The following PALM2AKAP2 variants were observed in gnomAD, a reference collection of about 807,000 sequenced individuals.
PALM2AKAP2 encodes PALM2-AKAP2 fusion protein.
Under a neutral mutation model 71.5 loss-of-function variants are expected in PALM2AKAP2, and 37 were observed. That is an observed-to-expected ratio of 0.52 (90% CI 0.40 to 0.68). The LOEUF (loss-of-function observed/expected upper bound fraction) is 0.68. Ranked by LOEUF, PALM2AKAP2 falls within the 30% of genes least tolerant of loss-of-function variation. The pLI, the probability that PALM2AKAP2 is intolerant of heterozygous loss-of-function variation, is 0.00. For missense variants in PALM2AKAP2, 1,224 were observed against 1,191.8 expected (o/e 1.03, Z -0.40); for synonymous variants, 468 against 478.8 (o/e 0.98, Z 0.29).
intron 1 of PALM2AKAP2, among the ~76,000 whole-genome samples, chr9:109,856,196 C>T (rs1189100001): frequency 6.6e-6 from 1 of 152,112 alleles, no homozygotes; most frequent in Non-Finnish European, 1.5e-5. Context: ...AGAAATCCAC[C>T]CTATGTATGG....
At chr9:110,085,541 A>C (rs1834551132) in intron 1 of PALM2AKAP2, among the ~76,000 whole-genome samples, 1 of 152,258 alleles carries the variant, frequency 6.6e-6, no homozygotes, top group Admixed American at 6.5e-5. Context: ...GCAATATGTA[A>C]GTAGAAAACT....
chr9:110,041,270 T>C (rs1833507891), intron 7 of PALM2AKAP2, among the ~76,000 whole-genome samples: 1 of 144,484 alleles, frequency 6.9e-6, no homozygotes, highest in Admixed American at 7.2e-5. Flanking sequence ...TGCTTTTTTG[T>C]TGTTGAAGAT....
chr9:109,923,621 T>A, intron 3 of PALM2AKAP2, 114 bp from the exon 4 acceptor site: 1 of 1,161,098 alleles, frequency 8.6e-7, no homozygotes, highest in Admixed American at 3.0e-5. Flanking sequence ...CTCAGCGTAA[T>A]GTAAAACAAA....
intron 6 of PALM2AKAP2, among the ~76,000 whole-genome samples, chr9:110,006,326 C>CTTTCTTT (rs779682006): frequency 1.9e-4 from 20 of 106,026 alleles, no homozygotes; most frequent in African/African-American, 7.4e-4. Context: ...CCTTCCTTCT[C>CTTTCTTT]TTTCTTTCTT....
At chr9:109,799,696 A>G (rs952343904) in intron 1 of PALM2AKAP2, among the ~76,000 whole-genome samples, 3 of 152,152 alleles carry the variant, frequency 2.0e-5, no homozygotes, top group African/African-American at 7.2e-5. Flanking sequence ...GGGTTTCACC[A>G]TGTTCCCAGG....
chr9:109,766,053 G>A (rs916354258), intron 1 of PALM2AKAP2, among the ~76,000 whole-genome samples: 1 of 152,160 alleles, frequency 6.6e-6, no homozygotes, highest in African/African-American at 2.4e-5. Context: ...CAGGCAGGCT[G>A]TCTTGGGCTT....
rs115631512 is a variant in PALM2AKAP2 at position 109,692,861 on chromosome 9, T to A, written c.5+51995T>A. On this transcript the variant is annotated intron_variant, in intron 1 of 6. Transcript: ENST00000374531. ...TTTAAAAAAATTTAAAAGTTTTGCA[T>A]CTATGTGCACAAGGAATATTGATCT... Among the ~76,000 whole-genome samples, 704 of 152,094 alleles carry A rather than the reference T, an allele frequency of 4.6e-3. 12 individuals are homozygous for A. Among genetic ancestry groups the A allele is most frequent in the African/African-American group, 0.015 (626 of 41,554 alleles).
At chr9:110,140,475 A>G (rs2119126958) in intron 2 of PALM2AKAP2, among the ~76,000 whole-genome samples, 1 of 152,268 alleles carries the variant, frequency 6.6e-6, no homozygotes, top group South Asian at 2.1e-4. Context: ...TTGTTATTGC[A>G]TTGTCACTAG....
exon 3 of PALM2AKAP2, chr9:109,880,618 C>A: frequency 6.2e-7 from 1 of 1,613,896 alleles, no homozygotes; most frequent in Non-Finnish European, 8.5e-7. Flanking sequence ...GAGGAGGAAG[C>A]CAGGAGGCGG....
At chr9:109,947,098 C>A (rs1266393280) in intron 6 of PALM2AKAP2, among the ~76,000 whole-genome samples, 2 of 152,156 alleles carry the variant, frequency 1.3e-5, no homozygotes, top group Non-Finnish European at 2.9e-5. Context: ...CCCTTATGGC[C>A]AAACCTAAAA....
chr9:109,691,717 A>G (rs529930778), intron 1 of PALM2AKAP2, among the ~76,000 whole-genome samples: 1 of 150,276 alleles, frequency 6.7e-6, no homozygotes, highest in African/African-American at 2.4e-5. Flanking sequence ...CTCTCATATT[A>G]TGGTAAGCCT....
chr9:109,850,478 T>C (rs1828980094), intron 1 of PALM2AKAP2, among the ~76,000 whole-genome samples: 1 of 152,092 alleles, frequency 6.6e-6, no homozygotes, highest in African/African-American at 2.4e-5. Flanking sequence ...CCCATGTCCT[T>C]GGGTTGAAAA....
chr9:110,057,244 A>T (rs544250865), intron 1 of PALM2AKAP2, among the ~76,000 whole-genome samples: 1 of 152,086 alleles, frequency 6.6e-6, no homozygotes, highest in South Asian at 2.1e-4. Flanking sequence ...TATTTTACTT[A>T]ATCTTTATAG....
chr9:109,792,509 C>T (rs1827142121), intron 1 of PALM2AKAP2, among the ~76,000 whole-genome samples: 1 of 152,120 alleles, frequency 6.6e-6, no homozygotes, highest in Non-Finnish European at 1.5e-5. Context: ...ACTCAGGCAA[C>T]AGAACAGTTC....
At chr9:110,060,090 G>A (rs1833929395) in intron 1 of PALM2AKAP2, among the ~76,000 whole-genome samples, 1 of 148,972 alleles carries the variant, frequency 6.7e-6, no homozygotes, top group South Asian at 2.2e-4. Context: ...TGTGGGGCCA[G>A]GTATTTTGTT....
chr9:109,981,530 G>T (rs753460775), intron 6 of PALM2AKAP2, among the ~76,000 whole-genome samples: 2 of 152,190 alleles, frequency 1.3e-5, no homozygotes, highest in Non-Finnish European at 2.9e-5. Context: ...TTCTGATCAG[G>T]CCAATGCTTC....
intron 3 of PALM2AKAP2, among the ~76,000 whole-genome samples, chr9:110,158,708 T>C (rs1836523682): frequency 6.6e-6 from 1 of 152,200 alleles, no homozygotes; most frequent in African/African-American, 2.4e-5. Context: ...AATAAACATT[T>C]TGAAAAAGAA....
chr9:109,813,079 C>G (rs963995707), intron 1 of PALM2AKAP2, among the ~76,000 whole-genome samples: 1 of 152,218 alleles, frequency 6.6e-6, no homozygotes, highest in Non-Finnish European at 1.5e-5. Flanking sequence ...CAGGTCTGCA[C>G]AATTTAACAA....
intron 6 of PALM2AKAP2, among the ~76,000 whole-genome samples, chr9:109,959,425 A>G (rs775496454): frequency 3.3e-4 from 50 of 152,044 alleles, no homozygotes; most frequent in Admixed American, 8.5e-4. Context: ...CGGGCAGATC[A>G]CAAGCTCAGG....
Sources: gnomAD v4.1 joint callset for allele counts (sites outside exome capture counted in the v4.1 genomes callset) on GRCh38, gnomAD v4.1.1 for gene constraint, MANE v1.5 for transcripts, NCBI Gene and HGNC (gene_info 2026-07-23, HGNC 2026-07-21) for gene names.